DGKI: variants seen among roughly 807,000 people sequenced by gnomAD.
DGKI encodes DAG kinase iota.
A neutral mutation model predicts 147.5 loss-of-function variants in DGKI; 55 were observed. The observed-to-expected ratio is 0.37, with a 90% CI of 0.30 to 0.47. DGKI has a LOEUF of 0.47. Ranked by LOEUF, DGKI falls within the 20% of genes least tolerant of loss-of-function variation. The probability of loss-of-function intolerance (pLI) is 1.00; values close to 1 mark genes in which losing one functional copy is unlikely to be tolerated. For missense variants in DGKI, 1,007 were observed against 1,323.8 expected, an observed-to-expected ratio of 0.76 and a Z score of 3.71; for synonymous variants, 469 against 477.1, an observed-to-expected ratio of 0.98 and a Z score of 0.22.
At chr7:137,397,505 G>C in intron 30 of DGKI, 92 bp from the exon 31 acceptor site, 1 of 1,286,048 alleles carries the variant, frequency 7.8e-7, no homozygotes, top group Non-Finnish European at 1.1e-6. Flanking sequence ...AAAATGCCTT[G>C]GAAAGCTAAA....
chr7:137,440,390 T>C lies in DGKI; in HGVS notation c.2761+3687A>G, dbSNP rs185632647. On this transcript the variant is annotated intron_variant, in intron 28 of 32. Coordinates refer to ENST00000614521, the MANE Select transcript of DGKI (RefSeq NM_001321708.2). ...AATCATTACCAGCAGGAGGGAGAAG[T>C]TGTTATTTTTGTTCTGCTCTGTTTT... Among the ~76,000 whole-genome samples, 6 of 152,302 alleles carry C rather than the reference T, an allele frequency of 3.9e-5. No homozygotes were observed. In the East Asian group the frequency reaches 1.2e-3, roughly 29 times the overall value.
chr7:137,655,550 G>C (rs1008414539), intron 4 of DGKI, among the ~76,000 whole-genome samples: 2 of 152,168 alleles, frequency 1.3e-5, no homozygotes, highest in African/African-American at 4.8e-5. Flanking sequence ...TAGATGTGGA[G>C]GTCTCCTAGT....
intron 21 of DGKI, among the ~76,000 whole-genome samples, chr7:137,505,913 T>C (rs1360957192): frequency 6.6e-6 from 1 of 151,934 alleles, no homozygotes; most frequent in Non-Finnish European, 1.5e-5. Context: ...AAGATACCAC[T>C]ACACACCTAA....
At chr7:137,735,224 C>T (rs765587320) in intron 1 of DGKI, among the ~76,000 whole-genome samples, 8 of 152,196 alleles carry the variant, frequency 5.3e-5, no homozygotes, top group East Asian at 1.9e-4. Context: ...AGGGCTTCTA[C>T]CTATATGTTC....
chr7:137,747,393 G>A (rs1271563838), intron 1 of DGKI, among the ~76,000 whole-genome samples: 1 of 152,176 alleles, frequency 6.6e-6, no homozygotes, highest in East Asian at 1.9e-4. Flanking sequence ...AGGGTCTGGA[G>A]GCAGGGAACA....
chr7:137,517,321 A>AAGAAAGAAAG (rs1554421268), intron 21 of DGKI, among the ~76,000 whole-genome samples: 3 of 130,260 alleles, frequency 2.3e-5, no homozygotes, highest in African/African-American at 6.7e-5. Context: ...GAAAGAAAGA[A>AAGAAAGAAAG]AGAAAGAAAG....
At chr7:137,611,616 G>C (rs1016401654) in intron 8 of DGKI, among the ~76,000 whole-genome samples, 4 of 152,066 alleles carry the variant, frequency 2.6e-5, no homozygotes, top group African/African-American at 9.7e-5. Context: ...TTAAAATGAT[G>C]GTGACACTAC....
intron 3 of DGKI, among the ~76,000 whole-genome samples, chr7:137,658,478 A>G (rs990378322): frequency 6.6e-6 from 1 of 152,212 alleles, no homozygotes; most frequent in Non-Finnish European, 1.5e-5. Flanking sequence ...AGTAAATTAC[A>G]TTGTGGATAA....
At chr7:137,647,299 T>G (rs972259368) in intron 5 of DGKI, among the ~76,000 whole-genome samples, 4 of 151,976 alleles carry the variant, frequency 2.6e-5, no homozygotes, top group Non-Finnish European at 5.9e-5. Context: ...TGCAGTTTAG[T>G]GCCCCTACCA....
chr7:137,632,354 G>C (rs1821150225), intron 6 of DGKI, among the ~76,000 whole-genome samples: 1 of 152,158 alleles, frequency 6.6e-6, no homozygotes, highest in Non-Finnish European at 1.5e-5. Flanking sequence ...TAAGTCCCCA[G>C]GAGAAGAATC....
At chr7:137,587,046 A>G in intron 13 of DGKI, 51 bp downstream of exon 13, 1 of 1,304,608 alleles carries the variant, frequency 7.7e-7, no homozygotes, top group African/African-American at 1.5e-5. Flanking sequence ...GTGGATCTGG[A>G]ATCCGGTTTG....
At chr7:137,524,338 A>C (rs1817067412) in intron 20 of DGKI, among the ~76,000 whole-genome samples, 1 of 152,300 alleles carries the variant, frequency 6.6e-6, no homozygotes, top group Middle Eastern at 3.4e-3. Flanking sequence ...GCAAGTTGTT[A>C]TCTCTGTGTG....
intron 21 of DGKI, among the ~76,000 whole-genome samples, chr7:137,503,197 A>T (rs1268099454): frequency 1.3e-5 from 2 of 152,144 alleles, no homozygotes; most frequent in East Asian, 3.8e-4. Flanking sequence ...CTTGTCTGTA[A>T]TTTAGGGGTC....
At chr7:137,677,784 G>T (rs1298204214) in intron 3 of DGKI, among the ~76,000 whole-genome samples, 1 of 152,040 alleles carries the variant, frequency 6.6e-6, no homozygotes, top group Non-Finnish European at 1.5e-5. Flanking sequence ...AAATAAGAAG[G>T]AATACATCTT....
chr7:137,520,488 T>A (rs75045893), intron 21 of DGKI, among the ~76,000 whole-genome samples: 148 of 152,156 alleles, frequency 9.7e-4, no homozygotes, highest in African/African-American at 3.5e-3. Flanking sequence ...AAATGTAATA[T>A]GTTGTTTACA....
chr7:137,547,419 T>A (rs1002816245), intron 20 of DGKI, among the ~76,000 whole-genome samples: 5 of 152,230 alleles, frequency 3.3e-5, no homozygotes, highest in Non-Finnish European at 5.9e-5. Context: ...CATGAAGCCC[T>A]ATTAGTTAAC....
chr7:137,639,154 A>G (rs1001211594), intron 6 of DGKI, among the ~76,000 whole-genome samples: 5 of 152,220 alleles, frequency 3.3e-5, no homozygotes, highest in African/African-American at 9.6e-5. Context: ...ACTTGCTAAT[A>G]TCTAGTTTAT....
chr7:137,508,284 G>A (rs1312817590), intron 21 of DGKI, among the ~76,000 whole-genome samples: 1 of 137,584 alleles, frequency 7.3e-6, no homozygotes, highest in African/African-American at 2.8e-5. Context: ...CTGGAGTGCA[G>A]TGGCACAATC....
rs751526303 is a variant in DGKI at position 137,521,985 on chromosome 7, G to A, written c.2148-19C>T. Reference sequence around the variant, plus strand: ...CTGGGGACTGCAAAACAAGAACCGAGTGGTCAGATACAAATGAGAGAGCGG... The same window carrying A: ...CTGGGGACTGCAAAACAAGAACCGAATGGTCAGATACAAATGAGAGAGCGG... On this transcript the variant is annotated intron_variant, in intron 20 of 32. Coordinates refer to ENST00000614521, the MANE Select transcript of DGKI (RefSeq NM_001321708.2). 1.9e-5 allele frequency: 30 copies of A among 1,589,806 alleles called. No homozygotes were observed. The highest frequency in any genetic ancestry group is 2.5e-5 in the Non-Finnish European group (29 of 1,160,956).
Sources: gnomAD v4.1 joint callset for allele counts (sites outside exome capture counted in the v4.1 genomes callset) on GRCh38, gnomAD v4.1.1 for gene constraint, MANE v1.5 for transcripts, NCBI Gene and HGNC (gene_info 2026-07-23, HGNC 2026-07-21) for gene names.